PCDH15: variants seen among roughly 807,000 people sequenced by gnomAD.
PCDH15 encodes protocadherin-15.
In PCDH15, 129 loss-of-function variants were observed where a neutral mutation model predicts 178.5. The observed-to-expected ratio is 0.72, with a 90% CI of 0.63 to 0.84. PCDH15 has a LOEUF of 0.84. Ranked by LOEUF, PCDH15 falls within the 40% of genes least tolerant of loss-of-function variation. PCDH15 has a pLI of 0.00. For missense variants in PCDH15, 2,230 were observed against 2,099.9 expected, an observed-to-expected ratio of 1.06 and a Z score of -1.21; for synonymous variants, 800 against 732.0, an observed-to-expected ratio of 1.09 and a Z score of -1.50.
intron 2 of PCDH15, among the ~76,000 whole-genome samples, chr10:55,020,473 A>G (rs1840297278): frequency 6.6e-6 from 1 of 152,090 alleles, no homozygotes; most frequent in South Asian, 2.1e-4. Context: ...TTAAATGAGT[A>G]TGTTGTAATA....
intron 2 of PCDH15, among the ~76,000 whole-genome samples, chr10:55,331,666 A>C (rs1421647402): frequency 1.3e-5 from 2 of 152,110 alleles, no homozygotes; most frequent in Non-Finnish European, 2.9e-5. Flanking sequence ...GTGGGTCTCC[A>C]GAAAGAAACT....
chr10:55,607,098 T>G (rs1011421714), intron 2 of PCDH15, among the ~76,000 whole-genome samples: 6 of 152,108 alleles, frequency 3.9e-5, no homozygotes, highest in Non-Finnish European at 5.9e-5. Context: ...GATATGAACA[T>G]ACATTTCTCA....
chr10:53,900,829 C>T (rs1355213108), intron 26 of PCDH15, among the ~76,000 whole-genome samples: 1 of 152,162 alleles, frequency 6.6e-6, no homozygotes, highest in African/African-American at 2.4e-5. Context: ...TCAGATAATG[C>T]CACCCACTAA....
chr10:55,532,113 T>G (rs965677990), intron 2 of PCDH15, among the ~76,000 whole-genome samples: 2 of 151,974 alleles, frequency 1.3e-5, no homozygotes, highest in African/African-American at 4.8e-5. Flanking sequence ...TAATATTTAT[T>G]TATCATAAAG....
At chr10:54,077,372 TAAG>T (rs943101726) in intron 17 of PCDH15, among the ~76,000 whole-genome samples, 8 of 152,194 alleles carry the variant, frequency 5.3e-5, no homozygotes, top group Non-Finnish European at 1.0e-4. Flanking sequence ...ATTTTGGTTT[TAAG>T]TAGTCAAAAG....
chr10:55,308,862 G>A (rs1843499786), intron 1 of PCDH15, among the ~76,000 whole-genome samples: 1 of 152,126 alleles, frequency 6.6e-6, no homozygotes, highest in Non-Finnish European at 1.5e-5. Flanking sequence ...AGTTTCAAAG[G>A]TAAGCTATTT....
At chr10:55,277,478 T>G (rs1296843367) in intron 1 of PCDH15, among the ~76,000 whole-genome samples, 1 of 152,010 alleles carries the variant, frequency 6.6e-6, no homozygotes, top group Non-Finnish European at 1.5e-5. Flanking sequence ...TTACAAAAAT[T>G]TTTTCTTCCT....
At chr10:54,725,749 T>C (rs1339142977) in intron 1 of PCDH15, among the ~76,000 whole-genome samples, 2 of 151,300 alleles carry the variant, frequency 1.3e-5, no homozygotes, top group Admixed American at 6.7e-5. Context: ...CTAAAACTGA[T>C]AAAATGGGAA....
chr10:54,698,677 A>T (rs150675746), intron 1 of PCDH15, among the ~76,000 whole-genome samples: 1 of 152,122 alleles, frequency 6.6e-6, no homozygotes, highest in Non-Finnish European at 1.5e-5. Context: ...CACTTGTAAA[A>T]TGAAGATAAT....
At position 53,803,773 on chromosome 10, in the gene PCDH15, G is replaced by A. The variant is rs749601583; in HGVS notation, c.*2806C>T. On this transcript the variant is annotated 3_prime_UTR_variant, in exon 38 of 38. Transcript: ENST00000644397. ...GCCCACAAGACCTTCTAAAATCAAC[G>A]GGTTGCAATATTAGTCATTACATCA... The A allele has an allele frequency of 3.3e-5, 5 of 151,848 alleles. No homozygotes were observed. In the East Asian group the frequency reaches 5.8e-4, roughly 18 times the overall value. The allele number at this position is 151,848 out of a possible 1,614,324, so 9.4% of individuals were successfully genotyped here.
At chr10:54,567,645 T>A (rs1299475065) in intron 2 of PCDH15, among the ~76,000 whole-genome samples, 2 of 152,192 alleles carry the variant, frequency 1.3e-5, no homozygotes, top group African/African-American at 4.8e-5. Context: ...AAGATCTCTA[T>A]GCTCTATGTT....
intron 2 of PCDH15, among the ~76,000 whole-genome samples, chr10:54,571,618 A>T (rs183264347): frequency 1.3e-5 from 2 of 152,260 alleles, no homozygotes; most frequent in African/African-American, 4.8e-5. Context: ...ATGGAAATAA[A>T]AAAATGAAAA....
At chr10:53,842,916 C>T (rs74838619) in intron 28 of PCDH15, among the ~76,000 whole-genome samples, 314 of 152,178 alleles carry the variant, frequency 2.1e-3, no homozygotes, top group African/African-American at 7.3e-3. Context: ...TTGACATGTT[C>T]CAAGGAAATC....
chr10:54,743,548 T>G (rs1274583819), intron 1 of PCDH15, among the ~76,000 whole-genome samples: 1 of 152,058 alleles, frequency 6.6e-6, no homozygotes, highest in African/African-American at 2.4e-5. Flanking sequence ...TATTTCTTAA[T>G]ACTTTATTAA....
At chr10:55,137,957 A>G (rs989030587) in intron 2 of PCDH15, among the ~76,000 whole-genome samples, 2 of 152,184 alleles carry the variant, frequency 1.3e-5, no homozygotes, top group Non-Finnish European at 2.9e-5. Context: ...ATTATGCTTT[A>G]GTATAATTCA....
At chr10:53,905,851 C>G (rs1356117094) in intron 25 of PCDH15, among the ~76,000 whole-genome samples, 1 of 151,740 alleles carries the variant, frequency 6.6e-6, no homozygotes, top group South Asian at 2.1e-4. Context: ...GATGATTATA[C>G]TTAATTATAA....
intron 1 of PCDH15, among the ~76,000 whole-genome samples, chr10:55,194,199 G>A (rs1197848014): frequency 6.6e-6 from 1 of 151,974 alleles, no homozygotes; most frequent in Non-Finnish European, 1.5e-5. Context: ...ATGTTATAGT[G>A]ATTCATTGTC....
chr10:55,225,675 C>T (rs995378583), intron 1 of PCDH15, among the ~76,000 whole-genome samples: 9 of 134,420 alleles, frequency 6.7e-5, no homozygotes, highest in South Asian at 2.4e-4. Context: ...GAGAGAGAAA[C>T]GGAGAGAGAA....
chr10:54,755,546 C>T (rs941117003), intron 1 of PCDH15, among the ~76,000 whole-genome samples: 2 of 151,788 alleles, frequency 1.3e-5, no homozygotes, highest in African/African-American at 2.4e-5. Context: ...ATCCTAGACA[C>T]GTTTTAGGAA....
Sources: gnomAD v4.1 joint callset for allele counts (sites outside exome capture counted in the v4.1 genomes callset) on GRCh38, gnomAD v4.1.1 for gene constraint, MANE v1.5 for transcripts, NCBI Gene and HGNC (gene_info 2026-07-23, HGNC 2026-07-21) for gene names.